Variants in VAMP1 observed in about 807,000 individuals in gnomAD.
The protein encoded by VAMP1 is vesicle associated membrane protein 1.
VAMP1 carries 16 observed loss-of-function variants against 19.1 expected under a neutral mutation model. The observed-to-expected ratio is 0.84, with a 90% CI of 0.57 to 1.27. The LOEUF is 1.27. Ranked by LOEUF, VAMP1 falls within the 50% of genes most tolerant of loss-of-function variation. The pLI is 0.00. For synonymous variants in VAMP1, 37 were observed against 50.2 expected, an observed-to-expected ratio of 0.74 and a Z score of 1.11; for missense variants, 109 against 145.4, an observed-to-expected ratio of 0.75 and a Z score of 1.29.
intron 1 of VAMP1, among the ~76,000 whole-genome samples, chr12:6,467,931 C>T (rs1457162142): frequency 3.3e-5 from 5 of 152,012 alleles, no homozygotes; most frequent in Non-Finnish European, 7.4e-5. Flanking sequence ...AAGGCAAGAA[C>T]TGAGGTTCGG....
chr12:6,462,633 C>T lies in VAMP1; in HGVS notation c.*1837G>A. 4.5e-6 allele frequency: 3 copies of T among 660,564 alleles called. No individual in the cohort carries two copies. The highest frequency in any genetic ancestry group is 7.7e-6 in the Non-Finnish European group (3 of 388,484). 40.9% of individuals were successfully genotyped at this position (660,564 alleles called of 1,614,324 possible). On this transcript the variant is annotated 3_prime_UTR_variant, in exon 5 of 5. Transcript: ENST00000396308. ...CTACACCTGGTGAGCCTCAGAGGGA[C>T]AGAAACCCAGGAATGATTCCTGTGA... is the stretch of plus-strand genomic sequence containing the variant.
chr12:6,466,343 G>A lies in VAMP1; in HGVS notation c.11C>T (p.Pro4Leu). 6.2e-7 allele frequency: 1 copy of A among 1,613,128 alleles called. No individual in the cohort carries two copies. The highest frequency in any genetic ancestry group is 1.1e-5 in the South Asian group (1 of 90,934). ...TGTCCCTTCAGCAGGTGGCTGAGCT[G>A]GAGCAGACCTGTGGAAAGACATGTG... is the stretch of plus-strand genomic sequence containing the variant. MSAPAQPPAEGTEG... is the reference protein window; with the variant it reads MSALAQPPAEGTEG... Residue 4 changes from proline (P) to leucine (L), a missense_variant, in exon 2 of 5, where the codon CCA becomes CTA. By Grantham distance (98) the Pro-to-Leu change is moderately conservative (BLOSUM62 -3). Coordinates refer to ENST00000396308, the MANE Select transcript of VAMP1 (RefSeq NM_014231.5).
In VAMP1 at chr12:6,462,783, C is replaced by T. The variant is rs142636658; in HGVS notation, c.*1687G>A. The stretch of plus-strand genomic sequence containing the variant: ...GGAGGAGCCCAGAGGAGAGTGGAGA[C>T]CTTCGAGGGGGGCCGTTGGGAGGGT... On this transcript the variant is annotated 3_prime_UTR_variant, in exon 5 of 5. Transcript: ENST00000396308. 7 of 1,566,770 alleles carry T rather than the reference C, an allele frequency of 4.5e-6. No individual in the cohort carries two copies. The highest frequency in any genetic ancestry group is 6.1e-6 in the Non-Finnish European group (7 of 1,152,404).
Position 6,466,015 on chromosome 12 carries a change from G to C in VAMP1, c.130-15C>G, listed in dbSNP as rs2137008471. On this transcript the variant is annotated splice_polypyrimidine_tract_variant and intron_variant, in intron 2 of 4. Transcript: ENST00000396308. ...ATGTCCACCACCTGAGGAGGGCACA[G>C]AAACAAAGCAGCTAAGCTTCCTGCC... 1.2e-6 allele frequency: 2 copies of C among 1,614,014 alleles called. No individual in the cohort carries two copies. Among genetic ancestry groups the C allele is most frequent in the Non-Finnish European group, 1.7e-6 (2 of 1,179,872 alleles).
chr12:6,470,617 G>T lies in VAMP1; in HGVS notation c.-86C>A. The T allele has an allele frequency of 1.9e-6, 3 of 1,571,838 alleles. No individual in the cohort carries two copies. Among genetic ancestry groups the T allele is most frequent in the South Asian group, 1.1e-5 (1 of 89,532 alleles). ...GAGGGACGCTGCGGCTGAAGTGGAC[G>T]GAACTGCCAAGCTCCGCCTCGCGCC... On this transcript the variant is annotated 5_prime_UTR_variant, in exon 1 of 5. Coordinates refer to ENST00000396308, the MANE Select transcript of VAMP1 (RefSeq NM_014231.5).
At chr12:6,465,372 A>AC (rs56993379) in intron 3 of VAMP1, 27 of 111,912 alleles carry the variant, frequency 2.4e-4, no homozygotes, top group Non-Finnish European at 3.5e-4. Flanking sequence ...ATATATATAT[A>AC]AATGTATATA....
intron 2 of VAMP1, 69 bp downstream of exon 2, chr12:6,466,156 A>G: frequency 2.5e-6 from 4 of 1,608,776 alleles, no homozygotes; most frequent in East Asian, 2.2e-5. Flanking sequence ...AGGAGAAAAG[A>G]TAAGAAGTTC....
rs902811071 is a variant in VAMP1, at chr12:6,464,288, C to G, written c.*182G>C. On this transcript the variant is annotated 3_prime_UTR_variant, in exon 5 of 5. Transcript: ENST00000396308. ...GTAATGACTTAGATTGTGCCACGAG[C>G]AGCATTTCTAGTGTTGAGGGACAGA... is the stretch of plus-strand genomic sequence containing the variant. The G allele has an allele frequency of 4.5e-6, 7 of 1,541,054 alleles. No homozygotes were observed. The Admixed American group carries it at 1.4e-4, about 30-fold the overall frequency.
rs1439038885 is a variant in VAMP1, at chr12:6,462,612, A to G, written c.*1858T>C. 2 of 610,528 alleles carry G rather than the reference A, an allele frequency of 3.3e-6. No homozygotes were observed. The allele number at this position is 610,528 out of a possible 1,614,324, so 37.8% of individuals were successfully genotyped here. On this transcript the variant is annotated 3_prime_UTR_variant, in exon 5 of 5. Coordinates refer to ENST00000396308, the MANE Select transcript of VAMP1 (RefSeq NM_014231.5). ...ACCCCCAAAGAACAAGGCCAACTAC[A>G]CCTGGTGAGCCTCAGAGGGACAGAA...
rs902829945 is a variant in VAMP1 at position 6,470,605 on chromosome 12, G to A, written c.-74C>T. ...GAGACACCCGGTGAGGGACGCTGCG[G>A]CTGAAGTGGACGGAACTGCCAAGCT... On this transcript the variant is annotated 5_prime_UTR_variant, in exon 1 of 5. Transcript: ENST00000396308. The A allele has an allele frequency of 3.1e-6, 5 of 1,596,002 alleles. No individual in the cohort carries two copies. In the South Asian group the frequency reaches 5.5e-5, roughly 18 times the overall value.
At position 6,462,481 on chromosome 12, in the gene VAMP1, T is replaced by C. The variant is rs748664928; in HGVS notation, c.*1989A>G. 3.0e-5 allele frequency: 15 copies of C among 493,270 alleles called. No individual in the cohort carries two copies. Among genetic ancestry groups the C allele is most frequent in the African/African-American group, 9.7e-5 (5 of 51,662 alleles). 30.6% of individuals were successfully genotyped at this position (493,270 alleles called of 1,614,324 possible). On this transcript the variant is annotated 3_prime_UTR_variant, in exon 5 of 5. Coordinates refer to ENST00000396308, the MANE Select transcript of VAMP1 (RefSeq NM_014231.5). ...CATTTGACTGCAAAGTCCCAGGGTT[T>C]TGTTGCACATTTGCTCATGCACATG...
Position 6,463,931 on chromosome 12 carries a change from G to C in VAMP1, c.*539C>G, listed in dbSNP as rs1592145146. 2 of 1,289,268 alleles carry C rather than the reference G, an allele frequency of 1.6e-6. No homozygotes were observed. The highest frequency in any genetic ancestry group is 1.5e-5 in the African/African-American group (1 of 65,856). The allele number at this position is 1,289,268 out of a possible 1,614,324, so 79.9% of individuals were successfully genotyped here. A position where few individuals can be genotyped will look rare whatever the true frequency, so the allele number is the denominator to read the frequency against. On this transcript the variant is annotated 3_prime_UTR_variant, in exon 5 of 5. Transcript: ENST00000396308. The surrounding 1 kb of genome is among the most constrained non-coding windows in gnomAD (Gnocchi z 4.0). ...AAACAAGTTTTTACTTTCGAAAAGGGTACTGCACTGAAACCAAGTTGGACT... is the reference window on the plus strand; with the variant it reads ...AAACAAGTTTTTACTTTCGAAAAGGCTACTGCACTGAAACCAAGTTGGACT...
intron 1 of VAMP1, among the ~76,000 whole-genome samples, chr12:6,467,788 C>T (rs1158860573): frequency 6.6e-6 from 1 of 152,236 alleles, no homozygotes; most frequent in African/African-American, 2.4e-5. Flanking sequence ...AGCCTAGGGA[C>T]TTAGTGCCCT....
chr12:6,463,234 AG>A lies in VAMP1; in HGVS notation c.*1235del. The A allele has an allele frequency of 4.3e-6, 6 of 1,399,964 alleles. No individual in the cohort carries two copies. The highest frequency in any genetic ancestry group is 4.6e-6 in the Non-Finnish European group (5 of 1,078,742). The allele number at this position is 1,399,964 out of a possible 1,614,324, so 86.7% of individuals were successfully genotyped here. A position where few individuals can be genotyped will look rare whatever the true frequency, so the allele number is the denominator to read the frequency against. On this transcript the variant is annotated 3_prime_UTR_variant, in exon 5 of 5. Coordinates refer to ENST00000396308, the MANE Select transcript of VAMP1 (RefSeq NM_014231.5). This position sits in a 1 kb window ranked among gnomAD's most constrained non-coding sequence, Gnocchi z 4.0. ...GGTGGTTCAAAGGGGAATATACTACAGGAAGAACAGAGAGGCGGCTCTCAAG... is the reference window on the plus strand; with the variant it reads ...GGTGGTTCAAAGGGGAATATACTACAGAAGAACAGAGAGGCGGCTCTCAAG...
In VAMP1 at chr12:6,464,138, G is replaced by C; in HGVS notation, c.*332C>G. On this transcript the variant is annotated 3_prime_UTR_variant, in exon 5 of 5. Transcript: ENST00000396308. ...CCTCCCAAGTCTGGGCAGCTTCATG[G>C]GTACTTCGCCTCAGCCACTCCCCTC... The C allele has an allele frequency of 7.3e-7, 1 of 1,377,740 alleles. No individual in the cohort carries two copies. Among genetic ancestry groups the C allele is most frequent in the Non-Finnish European group, 9.6e-7 (1 of 1,045,758 alleles). 85.3% of individuals were successfully genotyped at this position (1,377,740 alleles called of 1,614,324 possible).
Position 6,462,613 on chromosome 12 carries a change from C to A in VAMP1, c.*1857G>T. Reference sequence around the variant, plus strand: ...CCCCCAAAGAACAAGGCCAACTACACCTGGTGAGCCTCAGAGGGACAGAAA... The same window carrying A: ...CCCCCAAAGAACAAGGCCAACTACAACTGGTGAGCCTCAGAGGGACAGAAA... On this transcript the variant is annotated 3_prime_UTR_variant, in exon 5 of 5. Transcript: ENST00000396308. The A allele has an allele frequency of 1.6e-6, 1 of 610,328 alleles. No homozygotes were observed. Among genetic ancestry groups the A allele is most frequent in the South Asian group, 2.1e-5 (1 of 46,934 alleles). The allele number at this position is 610,328 out of a possible 1,614,324, so 37.8% of individuals were successfully genotyped here. A position where few individuals can be genotyped will look rare whatever the true frequency, so the allele number is the denominator to read the frequency against.
chr12:6,463,456 T>A lies in VAMP1; in HGVS notation c.*1014A>T, dbSNP rs908634595. 6 of 1,038,998 alleles carry A rather than the reference T, an allele frequency of 5.8e-6. No homozygotes were observed. The highest frequency in any genetic ancestry group is 5.1e-5 in the Admixed American group (1 of 19,744). The allele number at this position is 1,038,998 out of a possible 1,614,324, so 64.4% of individuals were successfully genotyped here. A position where few individuals can be genotyped will look rare whatever the true frequency, so the allele number is the denominator to read the frequency against. On this transcript the variant is annotated 3_prime_UTR_variant, in exon 5 of 5. Transcript: ENST00000396308. This position sits in a 1 kb window ranked among gnomAD's most constrained non-coding sequence, Gnocchi z 4.0. Reference sequence around the variant, plus strand: ...GGTGTGGAGGAAAGGATTCCATGGGTGTCCAAAGATCTCACACTGCTAACA... The same window carrying A: ...GGTGTGGAGGAAAGGATTCCATGGGAGTCCAAAGATCTCACACTGCTAACA...
rs1565527137 is a variant in VAMP1, at chr12:6,466,224, C to T, written c.129+1G>A. ...TTTCAGAGAAACAGCTATCTACCTA[C>T]CTCCTCCACTTGTGCCTGGGTTTGC... On this transcript the variant is annotated splice_donor_variant, in intron 2 of 4. Transcript: ENST00000396308. LOFTEE classifies it high-confidence loss of function. 6.2e-7 allele frequency: 1 copy of T among 1,614,218 alleles called. No homozygotes were observed. Among genetic ancestry groups the T allele is most frequent in the Non-Finnish European group, 8.5e-7 (1 of 1,180,034 alleles).
rs1480348736 is a variant in VAMP1 at position 6,463,701 on chromosome 12, C to A, written c.*769G>T. 8.9e-7 allele frequency: 1 copy of A among 1,119,374 alleles called. No homozygotes were observed. Among genetic ancestry groups the A allele is most frequent in the East Asian group, 7.4e-5 (1 of 13,448 alleles). 69.3% of individuals were successfully genotyped at this position (1,119,374 alleles called of 1,614,324 possible). A position where few individuals can be genotyped will look rare whatever the true frequency, so the allele number is the denominator to read the frequency against. The stretch of plus-strand genomic sequence containing the variant: ...ACCAGCTAGATGGATTTATTTGGTG[C>A]CCTCATACAGAATGCTGTAGAAAAT... On this transcript the variant is annotated 3_prime_UTR_variant, in exon 5 of 5. Coordinates refer to ENST00000396308, the MANE Select transcript of VAMP1 (RefSeq NM_014231.5). The surrounding 1 kb of genome is among the most constrained non-coding windows in gnomAD (Gnocchi z 4.0).
Sources: gnomAD v4.1 joint callset for allele counts (sites outside exome capture counted in the v4.1 genomes callset) on GRCh38, gnomAD v4.1.1 for gene constraint, Gnocchi (gnomAD v3.1) non-coding constraint, MANE v1.5 for transcripts, NCBI Gene and HGNC (gene_info 2026-07-23, HGNC 2026-07-21) for gene names.